The following ADAMTS6 variants were observed in gnomAD, a reference collection of about 807,000 sequenced individuals.
ADAMTS6 encodes ADAM metallopeptidase with thrombospondin type 1 motif 6.
A neutral mutation model predicts 144.3 loss-of-function variants in ADAMTS6; 23 were observed. That is an observed-to-expected ratio of 0.16 (90% CI 0.11 to 0.23). The LOEUF (loss-of-function observed/expected upper bound fraction) is 0.23. ADAMTS6 is among the 10% of genes least tolerant of loss of function. The probability of loss-of-function intolerance (pLI) is 1.00; values close to 1 mark genes in which losing one functional copy is unlikely to be tolerated. For missense variants in ADAMTS6, 999 were observed against 1,379.6 expected, an observed-to-expected ratio of 0.72 and a Z score of 4.37; for synonymous variants, 444 against 457.5, an observed-to-expected ratio of 0.97 and a Z score of 0.38.
intron 7 of ADAMTS6, among the ~76,000 whole-genome samples, chr5:65,446,735 TG>T (rs1021300475): frequency 1.2e-4 from 18 of 152,204 alleles, no homozygotes; most frequent in African/African-American, 4.1e-4. Flanking sequence ...TTCATTTGTA[TG>T]TATGGTCTAG....
At chr5:65,444,456 C>A (rs1262958531) in intron 7 of ADAMTS6, among the ~76,000 whole-genome samples, 1 of 151,944 alleles carries the variant, frequency 6.6e-6, no homozygotes. Context: ...TTTTTATATA[C>A]CAGTGAAAAA....
intron 22 of ADAMTS6, among the ~76,000 whole-genome samples, chr5:65,177,865 G>A (rs1356072801): frequency 6.6e-6 from 1 of 152,132 alleles, no homozygotes; most frequent in Admixed American, 6.5e-5. Context: ...ACCAGGCGTG[G>A]GCTGCATGGT....
At chr5:65,417,632 C>A (rs1489928268) in intron 7 of ADAMTS6, among the ~76,000 whole-genome samples, 1 of 151,978 alleles carries the variant, frequency 6.6e-6, no homozygotes, top group African/African-American at 2.4e-5. Flanking sequence ...CTTACAATAG[C>A]CACATGCACA....
At position 65,151,738 on chromosome 5, in the gene ADAMTS6, A is replaced by T; in HGVS notation, c.*98T>A. The T allele has an allele frequency of 1.9e-6, 2 of 1,072,402 alleles. No individual in the cohort carries two copies. Among genetic ancestry groups the T allele is most frequent in the Non-Finnish European group, 2.8e-6 (2 of 711,680 alleles). The allele number at this position is 1,072,402 out of a possible 1,614,324, so 66.4% of individuals were successfully genotyped here. Reference sequence around the variant, plus strand: ...GGTTACGTTTTCCACAGGGTAATGCATTTGCAAGGACATCAATCCTCTTCC... The same window carrying T: ...GGTTACGTTTTCCACAGGGTAATGCTTTTGCAAGGACATCAATCCTCTTCC... On this transcript the variant is annotated 3_prime_UTR_variant, in exon 25 of 25. Transcript: ENST00000381055.
At chr5:65,430,901 G>A (rs1361344138) in intron 7 of ADAMTS6, among the ~76,000 whole-genome samples, 1 of 152,056 alleles carries the variant, frequency 6.6e-6, no homozygotes, top group African/African-American at 2.4e-5. Context: ...TGTAGTTACT[G>A]TTCCTCTCTA....
At chr5:65,320,700 C>T (rs1427240746) in intron 9 of ADAMTS6, among the ~76,000 whole-genome samples, 1 of 152,040 alleles carries the variant, frequency 6.6e-6, no homozygotes, top group African/African-American at 2.4e-5. Flanking sequence ...GTTGTCTTCC[C>T]ACTCTCTACC....
At chr5:65,279,074 G>A (rs980987304) in intron 11 of ADAMTS6, among the ~76,000 whole-genome samples, 4 of 151,582 alleles carry the variant, frequency 2.6e-5, no homozygotes, top group Admixed American at 2.6e-4. Context: ...CCCCAAAGTA[G>A]CTGGGACTAC....
intron 7 of ADAMTS6, among the ~76,000 whole-genome samples, chr5:65,360,502 T>A (rs1425477452): frequency 6.6e-6 from 1 of 152,292 alleles, no homozygotes; most frequent in East Asian, 1.9e-4. Flanking sequence ...CATTGCATTC[T>A]ACACAGTACA....
intron 7 of ADAMTS6, among the ~76,000 whole-genome samples, chr5:65,363,772 T>C (rs1750048581): frequency 6.6e-6 from 1 of 152,184 alleles, no homozygotes; most frequent in Non-Finnish European, 1.5e-5. Flanking sequence ...TAGGGAAAAC[T>C]ACCAGCCAAA....
At chr5:65,353,016 C>T (rs918303434) in intron 7 of ADAMTS6, among the ~76,000 whole-genome samples, 7 of 151,958 alleles carry the variant, frequency 4.6e-5, no homozygotes, top group Non-Finnish European at 1.0e-4. Flanking sequence ...TAACTTCTTT[C>T]TACCTGAGGA....
At chr5:65,256,621 A>G (rs1760681991) in intron 14 of ADAMTS6, 1 of 152,204 alleles carries the variant, frequency 6.6e-6, no homozygotes, top group African/African-American at 2.4e-5. Flanking sequence ...AAGTTCTACA[A>G]TCTGAACATC....
Position 65,440,396 on chromosome 5 carries a change from C to A in ADAMTS6, c.1073+11079G>T, listed in dbSNP as rs530235996. ...GTAAACAAAGTGAGCCCTAAGATTG[C>A]CCCCAGCTTACTACCTTGAGAAATT... On this transcript the variant is annotated intron_variant, in intron 7 of 24. Coordinates refer to ENST00000381055, the MANE Select transcript of ADAMTS6 (RefSeq NM_197941.4). Among the ~76,000 whole-genome samples the A allele has an allele frequency of 3.9e-5, 6 of 152,210 alleles. No homozygotes were observed. In the East Asian group the frequency reaches 1.2e-3, roughly 29 times the overall value.
At chr5:65,210,048 A>G (rs1756390032) in intron 20 of ADAMTS6, 1 of 219,378 alleles carries the variant, frequency 4.6e-6, no homozygotes, top group Admixed American at 4.2e-5. Context: ...GCATACGCAC[A>G]TGAACTGCCA....
chr5:65,381,672 C>A (rs1752063018), intron 7 of ADAMTS6, among the ~76,000 whole-genome samples: 1 of 151,616 alleles, frequency 6.6e-6, no homozygotes, highest in South Asian at 2.1e-4. Context: ...AAGTGTGAGC[C>A]ACTATGCCTG....
At chr5:65,288,852 C>T (rs1012351727) in intron 11 of ADAMTS6, among the ~76,000 whole-genome samples, 1 of 152,146 alleles carries the variant, frequency 6.6e-6, no homozygotes, top group African/African-American at 2.4e-5. Flanking sequence ...GTATGATTTG[C>T]TTACCCACTG....
chr5:65,253,948 A>G (rs1472387252), intron 14 of ADAMTS6, among the ~76,000 whole-genome samples: 1 of 148,370 alleles, frequency 6.7e-6, no homozygotes, highest in Non-Finnish European at 1.5e-5. Context: ...CCACTCAAGC[A>G]ATCCTCCCAC....
intron 20 of ADAMTS6, among the ~76,000 whole-genome samples, chr5:65,202,348 C>T (rs536018653): frequency 2.0e-5 from 3 of 152,252 alleles, no homozygotes; most frequent in African/African-American, 4.8e-5. Flanking sequence ...GTGGAACATA[C>T]GTATACTGAG....
At chr5:65,448,775 T>C (rs1308484882) in intron 7 of ADAMTS6, among the ~76,000 whole-genome samples, 1 of 151,990 alleles carries the variant, frequency 6.6e-6, no homozygotes, top group Non-Finnish European at 1.5e-5. Flanking sequence ...ATAAACACAT[T>C]ATACATTCTC....
chr5:65,449,510 T>G lies in ADAMTS6; in HGVS notation c.1073+1965A>C, dbSNP rs532671305. ...ACGCACCTGTAATCCCAGCTACTCA[T>G]GAGGCTGAGGCAGGAGAATCACTTG... On this transcript the variant is annotated intron_variant, in intron 7 of 24. Transcript: ENST00000381055. Among the ~76,000 whole-genome samples, 3 of 151,918 alleles carry G rather than the reference T, an allele frequency of 2.0e-5. No homozygotes were observed. In the South Asian group the frequency reaches 6.2e-4, roughly 32 times the overall value.
Sources: gnomAD v4.1 joint callset for allele counts (sites outside exome capture counted in the v4.1 genomes callset) on GRCh38, gnomAD v4.1.1 for gene constraint, MANE v1.5 for transcripts, NCBI Gene and HGNC (gene_info 2026-07-23, HGNC 2026-07-21) for gene names.